The following STAB1 variants were observed in gnomAD, a reference collection of about 807,000 sequenced individuals.
The protein encoded by STAB1 is stabilin 1.
STAB1 carries 250 observed loss-of-function variants against 332.4 expected under a neutral mutation model. That is an observed-to-expected ratio of 0.75 (90% CI 0.68 to 0.84). The LOEUF is 0.84. Among genes scored for constraint, STAB1 ranks in the 40% least tolerant of loss-of-function variants. STAB1 has a pLI of 0.00. For synonymous variants in STAB1, 1,475 were observed against 1,390.4 expected (o/e 1.06, Z -1.35); for missense variants, 3,249 against 3,489.7 (o/e 0.93, Z 1.74).
chr3:52,513,678 T>A, intron 30 of STAB1, 39 bp from the exon 31 acceptor site: 6 of 1,596,726 alleles, frequency 3.8e-6, no homozygotes, highest in Non-Finnish European at 5.1e-6. Flanking sequence ...AGGGTCTATC[T>A]GTGCCCACCT....
intron 34 of STAB1, 37 bp from the exon 35 acceptor site, chr3:52,514,664 G>T (rs1242586104): frequency 1.2e-6 from 2 of 1,612,394 alleles, no homozygotes; most frequent in Non-Finnish European, 1.7e-6. Flanking sequence ...GGTGAGGGTG[G>T]TAGGTGGGTG....
At chr3:52,510,117 A>C (rs769404941) in intron 23 of STAB1, 25 bp from the exon 24 acceptor site, 1 of 1,613,746 alleles carries the variant, frequency 6.2e-7, no homozygotes, top group Admixed American at 1.7e-5. Flanking sequence ...GGCTCACTGG[A>C]GCCCCCTCCT....
At chr3:52,495,578 A>G (rs1349372415) in intron 1 of STAB1, 87 bp downstream of exon 1, 4 of 1,188,486 alleles carry the variant, frequency 3.4e-6, no homozygotes, top group Non-Finnish European at 3.2e-6. Context: ...ATGGAGGGGC[A>G]GGGGCCTGGG....
At position 52,520,505 on chromosome 3, in the gene STAB1, C is replaced by T. The variant is rs765716937; in HGVS notation, c.5605C>T (p.Leu1869Phe). 28 of 1,612,458 alleles carry T rather than the reference C, an allele frequency of 1.7e-5. No individual in the cohort carries two copies. The highest frequency in any genetic ancestry group is 2.3e-5 in the Non-Finnish European group (27 of 1,179,906). Residue 1869 changes from leucine (L) to phenylalanine (F), a missense_variant, in exon 53 of 69, where the codon CTT becomes TTT. Leu to Phe is a conservative substitution (Grantham distance 22). Transcript: ENST00000321725. ...GIDQLLEPPG[L>F]GARCDHFETR... ...CGACCAGCTGCTGGAGCCACCTGGC[C>T]TTGGTGCTCGCTGTGACCACTTTGA...
chr3:52,523,552 T>TGACAACAGTTCCTGGGCCCC lies in STAB1; in HGVS notation c.7267_7286dup (p.Val2430ThrfsTer177). Reference sequence around the variant, plus strand: ...GCCTCATCATCAGTGACGCAGGCCCTGACAACAGTTCCTGGGCCCCTGTGG... The same window carrying TGACAACAGTTCCTGGGCCCC: ...GCCTCATCATCAGTGACGCAGGCCCTGACAACAGTTCCTGGGCCCCGACAACAGTTCCTGGGCCCCTGTGG... On this transcript the variant is annotated frameshift_variant, in exon 65 of 69. Coordinates refer to ENST00000321725, the MANE Select transcript of STAB1 (RefSeq NM_015136.3). LOFTEE classifies it high-confidence loss of function. 1 of 1,612,838 alleles carries TGACAACAGTTCCTGGGCCCC rather than the reference T, an allele frequency of 6.2e-7. No individual in the cohort carries two copies. Among genetic ancestry groups the TGACAACAGTTCCTGGGCCCC allele is most frequent in the African/African-American group, 1.3e-5 (1 of 75,064 alleles).
chr3:52,523,973 C>T lies in STAB1; in HGVS notation c.7498C>T (p.Arg2500Cys), dbSNP rs138382714. 8.9e-5 allele frequency: 144 copies of T among 1,611,804 alleles called. No homozygotes were observed. The African/African-American group carries it at 1.6e-3, about 18-fold the overall frequency. ...CTTGGTGGCCGGAGCTCTCTACCTC[C>T]GTGCCCGAGGCAAGCCCATGGGCTT... is the stretch of plus-strand genomic sequence containing the variant. ...LGLVAGALYL[R>C]ARGKPMGFGF... The change falls in exon 67 of 69, where the codon CGT becomes TGT. Residue 2500 changes from arginine (R) to cysteine (C), a missense_variant. Arg to Cys is a radical substitution (Grantham distance 180, BLOSUM62 -3). Coordinates refer to ENST00000321725, the MANE Select transcript of STAB1 (RefSeq NM_015136.3).
chr3:52,523,166 T>A (rs1307425040), intron 63 of STAB1, 32 bp downstream of exon 63: 6 of 1,609,892 alleles, frequency 3.7e-6, no homozygotes, highest in Non-Finnish European at 4.2e-6. Context: ...GGGCGGGGGG[T>A]GCTGGGATCC....
chr3:52,501,673 T>C lies in STAB1; in HGVS notation c.251T>C (p.Met84Thr), dbSNP rs1359347432. 1.3e-6 allele frequency: 2 copies of C among 1,577,194 alleles called. No homozygotes were observed. The highest frequency in any genetic ancestry group is 1.2e-5 in the South Asian group (1 of 85,948). ...CAGCTGGGGGGCTCTATGGTGTCCA[T>C]GAGCGGCTGCAGACGGAAGTGCCGG... is the stretch of plus-strand genomic sequence containing the variant. Reference protein sequence around the residue: ...EVQLGGSMVSMSGCRRKCRKQ... With the variant: ...EVQLGGSMVSTSGCRRKCRKQ... The change falls in exon 3 of 69, where the codon ATG (methionine) becomes ACG (threonine). Residue 84 changes from methionine to threonine, a missense_variant. Coordinates refer to ENST00000321725, the MANE Select transcript of STAB1 (RefSeq NM_015136.3).
rs1415763078 is a variant in STAB1 at position 52,515,506 on chromosome 3, G to T, written c.3948G>T (p.Gln1316His). The T allele has an allele frequency of 6.2e-7, 1 of 1,613,196 alleles. No homozygotes were observed. Among genetic ancestry groups the T allele is most frequent in the Non-Finnish European group, 8.5e-7 (1 of 1,179,998 alleles). Reference sequence around the variant, plus strand: ...CTTACACATGTGCCAAGAAGATCCAGGTTTGCCCTGAAGCCCCCACCCCAA... The same window carrying T: ...CTTACACATGTGCCAAGAAGATCCATGTTTGCCCTGAAGCCCCCACCCCAA... Reference protein sequence around the residue: ...GCSYTCAKKIQVPDCCPGFFG... With the variant: ...GCSYTCAKKIHVPDCCPGFFG... Residue 1316 changes from glutamine to histidine, a missense_variant and splice_region_variant, in exon 37 of 69, where the codon CAG becomes CAT. Physicochemically the swap from Gln to His is conservative, Grantham distance 24. Transcript: ENST00000321725.
At chr3:52,503,659 G>T in intron 8 of STAB1, 113 bp from the exon 9 acceptor site, 1 of 1,559,298 alleles carries the variant, frequency 6.4e-7, no homozygotes, top group South Asian at 1.2e-5. Context: ...AAAGTGGGGA[G>T]AGGATAAGGG....
Position 52,517,545 on chromosome 3 carries a change from G to T in STAB1, c.4564-5G>T. ...AGCAGCCCCACTGATCAAGACTGGG[G>T]ACAGGTCTCCTGCAGCTGCCGTGAG... is the stretch of plus-strand genomic sequence containing the variant. On this transcript the variant is annotated splice_polypyrimidine_tract_variant and splice_region_variant and intron_variant, in intron 43 of 68. Transcript: ENST00000321725. 1 of 1,612,558 alleles carries T rather than the reference G, an allele frequency of 6.2e-7. No homozygotes were observed. The highest frequency in any genetic ancestry group is 8.5e-7 in the Non-Finnish European group (1 of 1,179,786).
In STAB1 at chr3:52,518,816, C is replaced by T. The variant is rs376512691; in HGVS notation, c.4981C>T (p.Gln1661Ter). 8.1e-5 allele frequency: 130 copies of T among 1,610,630 alleles called. No homozygotes were observed. Among genetic ancestry groups the T allele is most frequent in the Non-Finnish European group, 1.0e-4 (122 of 1,179,624 alleles). ...RRLRSEDLLEQGYATALSGHP... is the reference protein window; with the variant it reads ...RRLRSEDLLE ...GCTGCGGAGCGAGGACCTGCTGGAGCAGGGGTACGCCACGGCCCTCTCAGG... is the reference window on the plus strand; with the variant it reads ...GCTGCGGAGCGAGGACCTGCTGGAGTAGGGGTACGCCACGGCCCTCTCAGG... Residue 1661 changes from glutamine to a stop codon, truncating the protein, a stop_gained, in exon 48 of 69, where the codon CAG becomes TAG. Transcript: ENST00000321725. LOFTEE classifies it high-confidence loss of function.
chr3:52,513,083 GT>G, intron 29 of STAB1, 46 bp from the exon 30 acceptor site: 1 of 1,554,320 alleles, frequency 6.4e-7, no homozygotes, highest in East Asian at 2.4e-5. Flanking sequence ...GTCTCTGTAA[GT>G]TACACTAACC....
At chr3:52,517,178 TAGGA>T in intron 42 of STAB1, 69 bp downstream of exon 42, 3 of 1,507,054 alleles carry the variant, frequency 2.0e-6, no homozygotes, top group Non-Finnish European at 2.7e-6. Flanking sequence ...TGAGTCAGAT[TAGGA>T]AGGGCTGAAG....
At position 52,505,792 on chromosome 3, in the gene STAB1, C is replaced by A. The variant is rs749698720; in HGVS notation, c.1695+11C>A. The A allele has an allele frequency of 3.3e-5, 54 of 1,613,662 alleles. No homozygotes were observed. In the Admixed American group the frequency reaches 4.0e-4, roughly 12 times the overall value. ...TACCTCTTCACAGCGGTAAGCTCAGCGGGAGAAGGGGCTGCGGGTATGGGG... is the reference window on the plus strand; with the variant it reads ...TACCTCTTCACAGCGGTAAGCTCAGAGGGAGAAGGGGCTGCGGGTATGGGG... On this transcript the variant is annotated intron_variant, in intron 15 of 68. Transcript: ENST00000321725.
chr3:52,506,004 C>A (rs1708833387), intron 16 of STAB1, 68 bp downstream of exon 16: 3 of 1,584,052 alleles, frequency 1.9e-6, no homozygotes, highest in South Asian at 2.2e-5. Flanking sequence ...TTCTGGACTT[C>A]CCCAAGGCCC....
Position 52,524,175 on chromosome 3 carries a change from CCT to C in STAB1, c.7619_7620del (p.Pro2540ArgfsTer9), listed in dbSNP as rs1559731225. 1.2e-6 allele frequency: 2 copies of C among 1,614,102 alleles called. No individual in the cohort carries two copies. The highest frequency in any genetic ancestry group is 2.2e-5 in the East Asian group (1 of 44,892). ...TNPTLVSVPN[P>X]VFGSDTFCEP... is the part of the protein sequence containing the mutation. ...CCCCACCCTGGTCTCTGTCCCCAAC[CCT>C]GTCTTTGGCAGCGACACCTTTTGTG... On this transcript the variant is annotated frameshift_variant, in exon 68 of 69. Transcript: ENST00000321725. LOFTEE classifies it high-confidence loss of function.
chr3:52,516,961 ACT>A (rs758750331), intron 41 of STAB1, 21 bp from the exon 42 acceptor site: 2 of 1,609,186 alleles, frequency 1.2e-6, no homozygotes, highest in Admixed American at 1.7e-5. Flanking sequence ...GCTCCTGAGG[ACT>A]CTCTGGCCAT....
intron 44 of STAB1, 78 bp from the exon 45 acceptor site, chr3:52,517,803 T>G: frequency 6.2e-7 from 1 of 1,601,426 alleles, no homozygotes; most frequent in Admixed American, 1.8e-5. Flanking sequence ...GGGGCCTTCA[T>G]GGCCTCTTTC....
Sources: gnomAD v4.1 joint callset for allele counts on GRCh38, gnomAD v4.1.1 for gene constraint, MANE v1.5 for transcripts, NCBI Gene and HGNC (gene_info 2026-07-23, HGNC 2026-07-21) for gene names.